VCL: variants seen among roughly 807,000 people sequenced by gnomAD.
VCL encodes the protein vinculin.
VCL carries 47 observed loss-of-function variants against 125.7 expected under a neutral mutation model. The ratio of observed to expected loss-of-function variants is 0.37; its 90% confidence interval spans 0.30 to 0.48. The LOEUF is 0.48. Among genes scored for constraint, VCL ranks in the 20% least tolerant of loss-of-function variants. VCL has a pLI of 0.99. For synonymous variants in VCL, 458 were observed against 514.6 expected (o/e 0.89, Z 1.49); for missense variants, 1,069 against 1,455.5 (o/e 0.73, Z 4.32).
At position 74,118,898 on chromosome 10, in the gene VCL, A is replaced by ACTT. The variant is rs1033816943; in HGVS notation, c.*731_*733dup. On this transcript the variant is annotated 3_prime_UTR_variant, in exon 22 of 22. Coordinates refer to ENST00000211998, the MANE Select transcript of VCL (RefSeq NM_014000.3). Reference sequence around the variant, plus strand: ...CCTGAGCAATGTCTGTGCTAGGGAAACTTCCCGTCCCATATCCTGCCTCAG... The same window carrying ACTT: ...CCTGAGCAATGTCTGTGCTAGGGAAACTTCTTCCCGTCCCATATCCTGCCTCAG... The ACTT allele has an allele frequency of 3.3e-5, 5 of 153,450 alleles. No individual in the cohort carries two copies. Among genetic ancestry groups the ACTT allele is most frequent in the African/African-American group, 1.2e-4 (5 of 41,382 alleles). 9.5% of individuals were successfully genotyped at this position (153,450 alleles called of 1,614,324 possible).
At chr10:74,024,345 T>G (rs1355062603) in intron 1 of VCL, among the ~76,000 whole-genome samples, 1 of 152,178 alleles carries the variant, frequency 6.6e-6, no homozygotes, top group African/African-American at 2.4e-5. Flanking sequence ...GCGCAGTGGC[T>G]CATGCCTGTA....
rs1841653372 is a variant in VCL, at chr10:74,070,840, A to G, written c.390+20A>G. 6.2e-7 allele frequency: 1 copy of G among 1,613,750 alleles called. No individual in the cohort carries two copies. Among genetic ancestry groups the G allele is most frequent in the South Asian group, 1.1e-5 (1 of 91,060 alleles). On this transcript the variant is annotated intron_variant, in intron 3 of 21. Coordinates refer to ENST00000211998, the MANE Select transcript of VCL (RefSeq NM_014000.3). ...GCTGAGGTAGGCAATCTGAGACAAA[A>G]AGCCTACTCTTGAAGATAATAATGG...
At chr10:74,011,908 A>G (rs1425435589) in intron 1 of VCL, among the ~76,000 whole-genome samples, 1 of 152,228 alleles carries the variant, frequency 6.6e-6, no homozygotes, top group Non-Finnish European at 1.5e-5. Context: ...AGCTGCAGAA[A>G]ATAGAGTCTT....
intron 2 of VCL, among the ~76,000 whole-genome samples, chr10:74,059,162 C>T (rs186065335): frequency 6.6e-6 from 1 of 152,104 alleles, no homozygotes; most frequent in African/African-American, 2.4e-5. Context: ...CGAGACCAGT[C>T]TGGCCAACAT....
chr10:74,063,891 C>T (rs539655600), intron 2 of VCL: 1 of 152,074 alleles, frequency 6.6e-6, no homozygotes, highest in Non-Finnish European at 1.5e-5. Context: ...TCCACACCAA[C>T]AACCAGTCTT....
chr10:74,044,223 A>G (rs1001685046), intron 2 of VCL, among the ~76,000 whole-genome samples: 1 of 152,186 alleles, frequency 6.6e-6, no homozygotes, highest in Non-Finnish European at 1.5e-5. Context: ...GCTATTCTGC[A>G]TAAAACAAGC....
rs552164143 is a variant in VCL, at chr10:74,105,290, A to T, written c.2371A>T (p.Ser791Cys). 2 of 1,613,490 alleles carry T rather than the reference A, an allele frequency of 1.2e-6. No individual in the cohort carries two copies. Among genetic ancestry groups the T allele is most frequent in the South Asian group, 2.2e-5 (2 of 91,056 alleles). Residue 791 changes from serine to cysteine, a missense_variant, in exon 16 of 22, where the codon AGC becomes TGC. Around this residue, in one of 6 missense-constraint regions of VCL, gnomAD observed 760 missense variants for 928.9 expected, o/e 0.82. Coordinates refer to ENST00000211998, the MANE Select transcript of VCL (RefSeq NM_014000.3). ...EAVKAASDEL[S>C]KTISPMVMDA... ...TGTGAAAGCTGCCTCTGATGAATTG[A>T]GCAAAACCATCTCCCCGATGGTGAT...
chr10:74,018,848 T>G (rs913159177), intron 1 of VCL, among the ~76,000 whole-genome samples: 1 of 152,196 alleles, frequency 6.6e-6, no homozygotes, highest in African/African-American at 2.4e-5. Flanking sequence ...AAACCCAATG[T>G]CTTGGATATG....
intron 15 of VCL, among the ~76,000 whole-genome samples, chr10:74,104,369 C>G (rs939007370): frequency 6.6e-6 from 1 of 152,196 alleles, no homozygotes; most frequent in Non-Finnish European, 1.5e-5. Flanking sequence ...AACTTATCAA[C>G]TACGTAGTTT....
At chr10:74,107,440 C>T in intron 17 of VCL, 86 bp downstream of exon 17, 2 of 1,605,224 alleles carry the variant, frequency 1.2e-6, no homozygotes, top group Non-Finnish European at 1.7e-6. Flanking sequence ...TTAGAGCCTC[C>T]ATCACTAGGT....
intron 1 of VCL, 122 bp from the exon 2 acceptor site, chr10:74,042,961 C>A: frequency 9.7e-7 from 1 of 1,026,330 alleles, no homozygotes; most frequent in Non-Finnish European, 1.4e-6. Context: ...CAGAAATCTC[C>A]CTTAAATCTA....
At position 74,082,553 on chromosome 10, in the gene VCL, C is replaced by T; in HGVS notation, c.874+9C>T. On this transcript the variant is annotated intron_variant, in intron 7 of 21. Transcript: ENST00000211998. ...CCCTAGTGCCTCCCCAGGTAACCCT[C>T]TAGTTCTGCTTTTCTGATCAATACA... is the stretch of plus-strand genomic sequence containing the variant. The T allele has an allele frequency of 1.2e-6, 2 of 1,613,798 alleles. No homozygotes were observed. Among genetic ancestry groups the T allele is most frequent in the Non-Finnish European group, 8.5e-7 (1 of 1,179,742 alleles).
intron 6 of VCL, among the ~76,000 whole-genome samples, chr10:74,080,468 G>A (rs986592177): frequency 6.6e-6 from 1 of 152,132 alleles, no homozygotes; most frequent in Admixed American, 6.5e-5. Flanking sequence ...GAGGGGGAAA[G>A]TAGCTAAAAC....
intron 2 of VCL, among the ~76,000 whole-genome samples, chr10:74,057,837 GT>G (rs1841415054): frequency 6.6e-6 from 1 of 152,152 alleles, no homozygotes; most frequent in South Asian, 2.1e-4. Flanking sequence ...GGAGGCTAAG[GT>G]AGGAGGATCA....
intron 1 of VCL, among the ~76,000 whole-genome samples, chr10:74,039,618 A>G (rs1341655078): frequency 6.6e-6 from 1 of 151,804 alleles, no homozygotes; most frequent in Non-Finnish European, 1.5e-5. Context: ...CCCCATCTCT[A>G]CAAAATAAAA....
At position 74,109,012 on chromosome 10, in the gene VCL, A is replaced by G. The variant is rs764067327; in HGVS notation, c.2601A>G (p.Glu867=). The change falls in exon 18 of 22, where the codon GAA becomes GAG. Residue 867 remains glutamate (E), a synonymous_variant. Coordinates refer to ENST00000211998, the MANE Select transcript of VCL (RefSeq NM_014000.3). ...ELAPPKPPLP[E]GEVPPPRPPP... ...CTCCTCCCAAACCACCTCTGCCTGA[A>G]GGTGAGGTCCCTCCACCTAGGCCTC... 2.5e-6 allele frequency: 4 copies of G among 1,614,164 alleles called. No individual in the cohort carries two copies.
At chr10:74,018,177 G>T (rs55926945) in intron 1 of VCL, among the ~76,000 whole-genome samples, 15 of 81,876 alleles carry the variant, frequency 1.8e-4, no homozygotes, top group Admixed American at 3.1e-4. Flanking sequence ...ATATATATAG[G>T]ATATATATAT....
At chr10:74,040,694 A>T (rs898018601) in intron 1 of VCL, among the ~76,000 whole-genome samples, 4 of 152,224 alleles carry the variant, frequency 2.6e-5, no homozygotes, top group Non-Finnish European at 5.9e-5. Context: ...TATGATACAG[A>T]CAGTCTATTG....
At chr10:74,011,172 A>G (rs1411515944) in intron 1 of VCL, among the ~76,000 whole-genome samples, 1 of 151,080 alleles carries the variant, frequency 6.6e-6, no homozygotes, top group Admixed American at 6.6e-5. Flanking sequence ...TCTCAAAAAA[A>G]AAAAAAAAAA....
Sources: allele counts gnomAD v4.1 joint callset (sites outside exome capture counted in the v4.1 genomes callset), GRCh38; gene constraint gnomAD v4.1.1; regional missense constraint gnomAD v4.1.1; transcripts MANE v1.5; gene names NCBI Gene and HGNC (gene_info 2026-07-23, HGNC 2026-07-21).